Variants in CCNY observed in about 807,000 individuals in gnomAD.
The protein encoded by CCNY is cyclin-Y.
In CCNY, 19 loss-of-function variants were observed where a neutral mutation model predicts 42.8. The observed-to-expected ratio is 0.44, with a 90% CI of 0.31 to 0.65. The LOEUF is 0.65. Among genes scored for constraint, CCNY ranks in the 30% least tolerant of loss-of-function variants. CCNY has a pLI of 0.07. For missense variants in CCNY, 370 were observed against 437.3 expected, an observed-to-expected ratio of 0.85 and a Z score of 1.37; for synonymous variants, 165 against 162.7, an observed-to-expected ratio of 1.01 and a Z score of -0.11.
chr10:35,440,503 G>A (rs1838642602), intron 1 of CCNY, among the ~76,000 whole-genome samples: 1 of 152,198 alleles, frequency 6.6e-6, no homozygotes, highest in Admixed American at 6.5e-5. Context: ...AGCCTGGCCT[G>A]GATCTGCCTA....
intron 1 of CCNY, among the ~76,000 whole-genome samples, chr10:35,407,014 C>T (rs574189821): frequency 6.6e-4 from 100 of 152,332 alleles, no homozygotes; most frequent in African/African-American, 2.1e-3. Context: ...GGTAAAGCGT[C>T]TAAGGGTTGT....
chr10:35,498,025 A>G (rs1840037066), intron 2 of CCNY, among the ~76,000 whole-genome samples: 1 of 152,120 alleles, frequency 6.6e-6, no homozygotes, highest in Non-Finnish European at 1.5e-5. Context: ...ACTGTAACTT[A>G]TTACAGTGCA....
chr10:35,548,271 AATATAAATATATATATTTATGT>A (rs1359128185), intron 7 of CCNY, among the ~76,000 whole-genome samples: 1 of 147,326 alleles, frequency 6.8e-6, no homozygotes, highest in East Asian at 2.0e-4. Context: ...TATATACATA[AATATAAATATATATATTTATGT>A]ATATATATAT....
chr10:35,441,805 G>T (rs1379147610), intron 1 of CCNY, among the ~76,000 whole-genome samples: 3 of 152,154 alleles, frequency 2.0e-5, no homozygotes, highest in Non-Finnish European at 4.4e-5. Context: ...GTTCATGCTG[G>T]TGTATCTTAT....
intron 3 of CCNY, among the ~76,000 whole-genome samples, chr10:35,325,631 G>A (rs1270800043): frequency 6.6e-6 from 1 of 151,868 alleles, no homozygotes; most frequent in African/African-American, 2.4e-5. Context: ...ACCACTCCCA[G>A]CTAATTTTGT....
At chr10:35,555,646 G>A (rs1048005180) in intron 8 of CCNY, among the ~76,000 whole-genome samples, 2 of 152,184 alleles carry the variant, frequency 1.3e-5, no homozygotes. Context: ...GACTTGACTA[G>A]TAAGTCAGTC....
At chr10:35,282,646 C>T (rs1321655769) in intron 3 of CCNY, among the ~76,000 whole-genome samples, 3 of 150,074 alleles carry the variant, frequency 2.0e-5, no homozygotes, top group Non-Finnish European at 4.4e-5. Context: ...TCACTTGAAC[C>T]TGGGAGGCAG....
Position 35,563,875 on chromosome 10 carries a change from A to ATTTT in CCNY, c.747-2133_747-2130dup, listed in dbSNP as rs527639128. 3.0e-3 allele frequency among the ~76,000 whole-genome samples: 355 copies of ATTTT among 118,498 alleles called. 4 individuals carry two copies. The highest frequency in any genetic ancestry group is 0.011 in the African/African-American group (334 of 31,412). 77.7% of individuals were successfully genotyped at this position (118,498 alleles called of 152,430 possible). On this transcript the variant is annotated intron_variant, in intron 8 of 9. Transcript: ENST00000374704. ...AGGTGCCCACCACCATGCCTGACTA[A>ATTTT]TTTTTTTTTTTTTTTTTTGAGACAG...
intron 1 of CCNY, among the ~76,000 whole-genome samples, chr10:35,378,194 A>T (rs1837097055): frequency 6.6e-6 from 1 of 152,230 alleles, no homozygotes; most frequent in Non-Finnish European, 1.5e-5. Context: ...GTATTGGTTC[A>T]CTAATTTATG....
chr10:35,309,040 T>C (rs940991450), intron 3 of CCNY, among the ~76,000 whole-genome samples: 1 of 152,020 alleles, frequency 6.6e-6, no homozygotes, highest in Admixed American at 6.6e-5. Context: ...GGGGAATGTG[T>C]GGGAATCTTG....
chr10:35,545,083 A>G (rs1485059644), intron 7 of CCNY, among the ~76,000 whole-genome samples: 1 of 152,206 alleles, frequency 6.6e-6, no homozygotes, highest in East Asian at 1.9e-4. Flanking sequence ...TGCCATGTAG[A>G]AATGAGGGGC....
In CCNY at chr10:35,454,029, T is replaced by C. The variant is rs111503184; in HGVS notation, c.155-29375T>C. Reference sequence around the variant, plus strand: ...CTCCTGGAGGTTCCAACTCATAGTTTGAAAAACACTATACTGTACTGTGAC... The same window carrying C: ...CTCCTGGAGGTTCCAACTCATAGTTCGAAAAACACTATACTGTACTGTGAC... On this transcript the variant is annotated intron_variant, in intron 1 of 9. Transcript: ENST00000374704. Among the ~76,000 whole-genome samples, 513 of 152,314 alleles carry C rather than the reference T, an allele frequency of 3.4e-3. 4 individuals carry two copies. Among genetic ancestry groups the C allele is most frequent in the African/African-American group, 0.012 (483 of 41,580 alleles).
At chr10:35,516,827 G>T (rs1284273110) in intron 4 of CCNY, among the ~76,000 whole-genome samples, 3 of 151,698 alleles carry the variant, frequency 2.0e-5, no homozygotes, top group Non-Finnish European at 4.4e-5. Context: ...AATGATTTTG[G>T]TAGTTAAGTG....
At chr10:35,423,470 T>C (rs1838202135) in intron 1 of CCNY, among the ~76,000 whole-genome samples, 1 of 145,254 alleles carries the variant, frequency 6.9e-6, no homozygotes, top group Non-Finnish European at 1.5e-5. Flanking sequence ...AGGGAGACCC[T>C]GTCTCAAAAA....
chr10:35,424,061 G>A (rs1252731689), intron 1 of CCNY, among the ~76,000 whole-genome samples: 1 of 152,142 alleles, frequency 6.6e-6, no homozygotes, highest in East Asian at 1.9e-4. Flanking sequence ...CTGGGGACTT[G>A]ACTAAGTTGT....
chr10:35,284,148 CTG>C (rs1471419876), intron 3 of CCNY, among the ~76,000 whole-genome samples: 4 of 152,094 alleles, frequency 2.6e-5, no homozygotes. Context: ...AGATCATAAA[CTG>C]TACATATTTC....
chr10:35,395,407 G>A (rs527458196), intron 1 of CCNY, among the ~76,000 whole-genome samples: 63 of 152,330 alleles, frequency 4.1e-4, no homozygotes, highest in Non-Finnish European at 7.3e-4. Flanking sequence ...GAACCAAGGA[G>A]CAGTGCGAAG....
intron 1 of CCNY, among the ~76,000 whole-genome samples, chr10:35,455,139 G>T (rs937379813): frequency 2.0e-5 from 3 of 152,122 alleles, no homozygotes; most frequent in Admixed American, 6.5e-5. Flanking sequence ...CAAAGAGCAG[G>T]TTCATTATAT....
chr10:35,392,356 A>T (rs1346391060), intron 1 of CCNY, among the ~76,000 whole-genome samples: 1 of 152,216 alleles, frequency 6.6e-6, no homozygotes. Context: ...GTTGTGAAGG[A>T]TGTAGAGTGA....
Sources: allele counts gnomAD v4.1 joint callset (sites outside exome capture counted in the v4.1 genomes callset), GRCh38; gene constraint gnomAD v4.1.1; transcripts MANE v1.5; gene names NCBI Gene and HGNC (gene_info 2026-07-23, HGNC 2026-07-21).